Variants in GYPC observed in about 807,000 individuals in gnomAD.
GYPC encodes glycophorin C (Gerbich blood group).
In GYPC, 14 loss-of-function variants were observed where a neutral mutation model predicts 12.6. The ratio of observed to expected loss-of-function variants is 1.11; its 90% CI spans 0.74 to 1.74. The LOEUF (loss-of-function observed/expected upper bound fraction) is 1.74, where lower values mean the gene tolerates loss of function less well. Ranked by LOEUF, GYPC falls within the 40% of genes most tolerant of loss-of-function variation. GYPC has a pLI of 0.00. For synonymous variants in GYPC, 78 were observed against 62.1 expected (o/e 1.26, Z -1.20); for missense variants, 225 against 172.1 (o/e 1.31, Z -1.72).
intron 1 of GYPC, among the ~76,000 whole-genome samples, chr2:126,681,329 A>C (rs2104793955): frequency 6.6e-6 from 1 of 152,282 alleles, no homozygotes; most frequent in Middle Eastern, 3.4e-3. Context: ...CTAACTGCAT[A>C]ATACTGGGTC....
At chr2:126,677,403 GAGTGTGTA>G (rs1683025688) in intron 1 of GYPC, among the ~76,000 whole-genome samples, 2 of 151,508 alleles carry the variant, frequency 1.3e-5, no homozygotes, top group Non-Finnish European at 2.9e-5. Flanking sequence ...TAGTGTGTTA[GAGTGTGTA>G]AGTGTGTGAG....
At chr2:126,667,774 T>C (rs2104776980) in intron 1 of GYPC, among the ~76,000 whole-genome samples, 1 of 152,334 alleles carries the variant, frequency 6.6e-6, no homozygotes, top group African/African-American at 2.4e-5. Context: ...CCCTGAGCCT[T>C]GAACTTTTCA....
chr2:126,674,762 T>C (rs1354126275), intron 1 of GYPC, among the ~76,000 whole-genome samples: 1 of 152,202 alleles, frequency 6.6e-6, no homozygotes, highest in African/African-American at 2.4e-5. Context: ...GAGCTCTGGC[T>C]GGAGGGGTTC....
chr2:126,659,831 G>C (rs1396218686), intron 1 of GYPC, among the ~76,000 whole-genome samples: 2 of 148,546 alleles, frequency 1.3e-5, no homozygotes, highest in African/African-American at 5.0e-5. Context: ...ACTCTGGCTG[G>C]AGTGCAGTGG....
intron 2 of GYPC, among the ~76,000 whole-genome samples, chr2:126,691,374 G>C (rs1329162960): frequency 6.6e-6 from 1 of 152,042 alleles, no homozygotes; most frequent in Non-Finnish European, 1.5e-5. Flanking sequence ...AGTCCCAGCA[G>C]AAGTGAGGGG....
At chr2:126,689,888 C>A (rs906688475) in intron 1 of GYPC, among the ~76,000 whole-genome samples, 1 of 152,212 alleles carries the variant, frequency 6.6e-6, no homozygotes, top group Non-Finnish European at 1.5e-5. Context: ...TCAGACACTC[C>A]ACAAACATTC....
At chr2:126,667,325 C>A (rs530174785) in intron 1 of GYPC, among the ~76,000 whole-genome samples, 2 of 152,214 alleles carry the variant, frequency 1.3e-5, no homozygotes, top group South Asian at 4.1e-4. Context: ...CATACCCCAG[C>A]AGTTAAATAT....
chr2:126,691,920 G>A (rs1683478876), intron 2 of GYPC, among the ~76,000 whole-genome samples: 1 of 152,220 alleles, frequency 6.6e-6, no homozygotes, highest in Middle Eastern at 3.4e-3. Flanking sequence ...ACTTAAGCAA[G>A]GTGTTATTCT....
chr2:126,692,050 A>G (rs1683483336), intron 2 of GYPC, among the ~76,000 whole-genome samples: 1 of 152,134 alleles, frequency 6.6e-6, no homozygotes, highest in Non-Finnish European at 1.5e-5. Flanking sequence ...TTGAGTACCT[A>G]CTATGTGCTA....
chr2:126,659,960 T>C (rs1682488456), intron 1 of GYPC, among the ~76,000 whole-genome samples: 1 of 152,078 alleles, frequency 6.6e-6, no homozygotes, highest in Non-Finnish European at 1.5e-5. Flanking sequence ...CAGCTAATTT[T>C]TGTATTTTTT....
intron 1 of GYPC, chr2:126,658,050 A>T (rs1156320234): frequency 2.6e-5 from 4 of 152,302 alleles, no homozygotes; most frequent in African/African-American, 9.6e-5. Flanking sequence ...GCTAGGCCCC[A>T]ATGCCACAGT....
intron 1 of GYPC, among the ~76,000 whole-genome samples, chr2:126,681,698 A>G (rs1009580700): frequency 2.6e-5 from 4 of 151,712 alleles, no homozygotes; most frequent in Non-Finnish European, 5.9e-5. Context: ...CGGGTTTTAC[A>G]TGTGAAGAAA....
intron 1 of GYPC, among the ~76,000 whole-genome samples, chr2:126,660,847 G>A (rs897443982): frequency 6.6e-6 from 1 of 152,072 alleles, no homozygotes. Context: ...CACAGTTGTT[G>A]GGCCCCAGGA....
chr2:126,682,339 C>T (rs1376182875), intron 1 of GYPC, among the ~76,000 whole-genome samples: 1 of 152,112 alleles, frequency 6.6e-6, no homozygotes, highest in Non-Finnish European at 1.5e-5. Flanking sequence ...AGACTGCAGT[C>T]TCAGGAGCTA....
rs768275313 is a variant in GYPC at position 126,696,158 on chromosome 2, A to C, written c.*16A>C. ...CTTTATTTGAGGGACAACAGACTTC[A>C]CTTCCCTGAATGCCTCCCCCATCTC... On this transcript the variant is annotated 3_prime_UTR_variant, in exon 4 of 4. Transcript: ENST00000259254. The C allele has an allele frequency of 1.3e-6, 2 of 1,593,690 alleles. No homozygotes were observed. The highest frequency in any genetic ancestry group is 1.7e-6 in the Non-Finnish European group (2 of 1,161,854).
intron 1 of GYPC, chr2:126,686,298 C>T (rs1307844766): frequency 1.0e-6 from 1 of 985,572 alleles, no homozygotes; most frequent in Non-Finnish European, 1.2e-6. Flanking sequence ...AACAGCTGCA[C>T]TCAAGCTGCC....
intron 1 of GYPC, among the ~76,000 whole-genome samples, chr2:126,663,133 G>C (rs1404702543): frequency 1.3e-5 from 2 of 152,192 alleles, no homozygotes; most frequent in Non-Finnish European, 2.9e-5. Context: ...CGACTCCCTG[G>C]TTCAAGCAAT....
intron 2 of GYPC, among the ~76,000 whole-genome samples, chr2:126,690,665 G>A (rs1188964000): frequency 6.6e-6 from 1 of 152,138 alleles, no homozygotes; most frequent in African/African-American, 2.4e-5. Context: ...GGTGAGATGA[G>A]GGTAGACTGA....
chr2:126,668,145 C>T (rs1005705460), intron 1 of GYPC, among the ~76,000 whole-genome samples: 4 of 152,206 alleles, frequency 2.6e-5, no homozygotes, highest in African/African-American at 9.6e-5. Flanking sequence ...AAAAGTCACA[C>T]ACACACAAAA....
Sources: gnomAD v4.1 joint callset for allele counts (sites outside exome capture counted in the v4.1 genomes callset) on GRCh38, gnomAD v4.1.1 for gene constraint, MANE v1.5 for transcripts, NCBI Gene and HGNC (gene_info 2026-07-23, HGNC 2026-07-21) for gene names.